Variants in SEC22A observed in about 807,000 individuals in gnomAD.
The protein encoded by SEC22A is SEC22 homolog A, vesicle trafficking protein.
A neutral mutation model predicts 35.3 loss-of-function variants in SEC22A; 22 were observed. That is an observed-to-expected ratio of 0.62 (90% CI 0.45 to 0.89). The LOEUF (loss-of-function observed/expected upper bound fraction) is 0.89, where lower values mean the gene tolerates loss of function less well. SEC22A is among the 40% of genes least tolerant of loss of function. The pLI is 0.00. For synonymous variants in SEC22A, 119 were observed against 129.5 expected (o/e 0.92, Z 0.55); for missense variants, 354 against 362.5 (o/e 0.98, Z 0.19).
In SEC22A at chr3:123,272,263, G is replaced by A. The variant is rs1012783747; in HGVS notation, c.*541G>A. ...TCTTTTTACTTTTATATTTTTGCTT[G>A]AATCTTAACTCTGGAAATCACCTGA... On this transcript the variant is annotated 3_prime_UTR_variant, in exon 7 of 7. Coordinates refer to ENST00000492595, the MANE Select transcript of SEC22A (RefSeq NM_012430.5). 1.3e-5 allele frequency: 2 copies of A among 152,702 alleles called. No homozygotes were observed. The highest frequency in any genetic ancestry group is 1.3e-4 in the Admixed American group (2 of 15,316). The allele number at this position is 152,702 out of a possible 1,614,324, so 9.5% of individuals were successfully genotyped here. A position where few individuals can be genotyped will look rare whatever the true frequency, so the allele number is the denominator to read the frequency against.
At chr3:123,228,895 G>T (rs1937264259) in intron 4 of SEC22A, among the ~76,000 whole-genome samples, 1 of 152,134 alleles carries the variant, frequency 6.6e-6, no homozygotes, top group African/African-American at 2.4e-5. Flanking sequence ...CGTAACAATA[G>T]ATTTGAACTG....
At chr3:123,257,195 A>G (rs1429819490) in intron 5 of SEC22A, among the ~76,000 whole-genome samples, 1 of 152,210 alleles carries the variant, frequency 6.6e-6, no homozygotes, top group Non-Finnish European at 1.5e-5. Flanking sequence ...AGTGACACAG[A>G]CAGTAACCCC....
Position 123,245,903 on chromosome 3 carries a change from C to A in SEC22A, c.546C>A (p.His182Gln). Residue 182 changes from histidine (H) to glutamine (Q), a missense_variant, in exon 5 of 7, where the codon CAC becomes CAA. By Grantham distance (24) the His-to-Gln change is conservative (BLOSUM62 0). Coordinates refer to ENST00000492595, the MANE Select transcript of SEC22A (RefSeq NM_012430.5). The stretch of plus-strand genomic sequence containing the variant: ...ACTATTTCTTTTATTTTCCAGCTCA[C>A]CAGCGACTGGAACCAGCAACTCTGT... ...CKGAGKISSA[H>Q]QRLEPATLSG... 1 of 1,579,696 alleles carries A rather than the reference C, an allele frequency of 6.3e-7. No homozygotes were observed. The highest frequency in any genetic ancestry group is 8.7e-7 in the Non-Finnish European group (1 of 1,150,484).
At chr3:123,232,006 A>G (rs1228340046) in intron 4 of SEC22A, among the ~76,000 whole-genome samples, 1 of 152,204 alleles carries the variant, frequency 6.6e-6, no homozygotes, top group Non-Finnish European at 1.5e-5. Flanking sequence ...TGGAAGGCTG[A>G]GGTGGATGCA....
At chr3:123,266,498 T>C (rs1282889387) in intron 6 of SEC22A, among the ~76,000 whole-genome samples, 1 of 152,168 alleles carries the variant, frequency 6.6e-6, no homozygotes, top group Non-Finnish European at 1.5e-5. Flanking sequence ...TTTTCTCTTA[T>C]TTCAATTTTT....
chr3:123,221,032 G>A (rs1576487383), intron 2 of SEC22A, among the ~76,000 whole-genome samples: 4 of 151,600 alleles, frequency 2.6e-5, no homozygotes, highest in Admixed American at 2.6e-4. Flanking sequence ...GACACTTTAA[G>A]TGCAGTATAC....
chr3:123,223,409 C>T, intron 2 of SEC22A, 150 bp from the exon 3 acceptor site: 1 of 602,728 alleles, frequency 1.7e-6, no homozygotes. Context: ...ATTTTGGTTC[C>T]TTTAAATTTT....
chr3:123,245,840 C>T (rs746901236), intron 4 of SEC22A, 59 bp from the exon 5 acceptor site: 17 of 924,474 alleles, frequency 1.8e-5, no homozygotes, highest in Non-Finnish European at 2.6e-5. Flanking sequence ...TCTGTTTTAC[C>T]TAAGTTCATC....
At chr3:123,237,802 G>T (rs561466859) in intron 4 of SEC22A, among the ~76,000 whole-genome samples, 5 of 152,242 alleles carry the variant, frequency 3.3e-5, no homozygotes, top group Admixed American at 6.5e-5. Context: ...TGGCATCCTG[G>T]ATCACCAAAC....
intron 4 of SEC22A, among the ~76,000 whole-genome samples, chr3:123,227,824 C>T (rs1316873734): frequency 6.6e-6 from 1 of 151,838 alleles, no homozygotes; most frequent in Non-Finnish European, 1.5e-5. Flanking sequence ...GTGGCAGGCA[C>T]CTGTAATCCC....
At chr3:123,229,163 C>T (rs895861074) in intron 4 of SEC22A, among the ~76,000 whole-genome samples, 5 of 152,092 alleles carry the variant, frequency 3.3e-5, no homozygotes, top group Admixed American at 1.3e-4. Flanking sequence ...GGGATACACA[C>T]GAGATCCACA....
chr3:123,225,529 T>C (rs1241182331), intron 4 of SEC22A, among the ~76,000 whole-genome samples: 1 of 152,186 alleles, frequency 6.6e-6, no homozygotes, highest in East Asian at 1.9e-4. Flanking sequence ...AAAAACATTT[T>C]TTTAAATTTA....
At chr3:123,230,336 C>T (rs1379638820) in intron 4 of SEC22A, among the ~76,000 whole-genome samples, 5 of 152,006 alleles carry the variant, frequency 3.3e-5, no homozygotes, top group Admixed American at 3.3e-4. Flanking sequence ...GATGATAATT[C>T]AAATCAACAG....
chr3:123,273,363 G>A lies in SEC22A; in HGVS notation c.*1641G>A, dbSNP rs2108119392. 1 of 152,324 alleles carries A rather than the reference G, an allele frequency of 6.6e-6. No homozygotes were observed. The highest frequency in any genetic ancestry group is 1.9e-4 in the East Asian group (1 of 5,182). The allele number at this position is 152,324 out of a possible 1,614,324, so 9.4% of individuals were successfully genotyped here. A position where few individuals can be genotyped will look rare whatever the true frequency, so the allele number is the denominator to read the frequency against. ...TGATATCAGGGATTCATGTAAAACA[G>A]GAAATAGTAGTTGGCTCCAGTCTTC... On this transcript the variant is annotated 3_prime_UTR_variant, in exon 7 of 7. Transcript: ENST00000492595.
At chr3:123,215,337 T>C (rs973510923) in intron 2 of SEC22A, among the ~76,000 whole-genome samples, 4 of 152,192 alleles carry the variant, frequency 2.6e-5, no homozygotes, top group African/African-American at 7.2e-5. Flanking sequence ...CACAGACAGC[T>C]CCAGGCTTAC....
intron 5 of SEC22A, among the ~76,000 whole-genome samples, chr3:123,257,099 C>T (rs989578029): frequency 6.6e-6 from 1 of 152,004 alleles, no homozygotes; most frequent in African/African-American, 2.4e-5. Flanking sequence ...AACAAAGTAC[C>T]TGGTTTGTAA....
At chr3:123,205,202 C>T (rs919080238) in intron 1 of SEC22A, among the ~76,000 whole-genome samples, 3 of 152,178 alleles carry the variant, frequency 2.0e-5, no homozygotes, top group Admixed American at 6.5e-5. Flanking sequence ...CATTCATCCC[C>T]GTTTGTCAGG....
chr3:123,271,476 C>A, intron 6 of SEC22A, 46 bp from the exon 7 acceptor site: 3 of 1,499,700 alleles, frequency 2.0e-6, no homozygotes, highest in Non-Finnish European at 2.8e-6. Context: ...ACATCTGTTT[C>A]TTTTCCTGTA....
chr3:123,251,230 C>G (rs992132584), intron 5 of SEC22A, among the ~76,000 whole-genome samples: 4 of 152,078 alleles, frequency 2.6e-5, no homozygotes, highest in African/African-American at 9.7e-5. Context: ...TTCGTCACAA[C>G]TATGGTGGTG....
Sources: gnomAD v4.1 joint callset for allele counts (sites outside exome capture counted in the v4.1 genomes callset) on GRCh38, gnomAD v4.1.1 for gene constraint, MANE v1.5 for transcripts, NCBI Gene and HGNC (gene_info 2026-07-23, HGNC 2026-07-21) for gene names.